Variants in SLCO1B1 observed in about 807,000 individuals in gnomAD.
SLCO1B1 encodes the protein solute carrier organic anion transporter family member 1B1, also known as OATP-2.
In SLCO1B1, 81 loss-of-function variants were observed where a neutral mutation model predicts 70.1. That is an observed-to-expected ratio of 1.16 (90% confidence interval 0.97 to 1.39). The LOEUF (loss-of-function observed/expected upper bound fraction) is 1.39, where lower values mean the gene tolerates loss of function less well. SLCO1B1 is among the 40% of genes most tolerant of loss of function. The pLI is 0.00. For missense variants in SLCO1B1, 895 were observed against 799.6 expected, an observed-to-expected ratio of 1.12 and a Z score of -1.44; for synonymous variants, 283 against 271.5, an observed-to-expected ratio of 1.04 and a Z score of -0.42.
intron 1 of SLCO1B1, among the ~76,000 whole-genome samples, chr12:21,138,897 G>T (rs554075519): frequency 5.9e-5 from 9 of 152,096 alleles, no homozygotes; most frequent in African/African-American, 2.2e-4. Context: ...AAAAACAGGG[G>T]CTTGGTTTAG....
chr12:21,176,300 C>A (rs1412948122), intron 4 of SLCO1B1, among the ~76,000 whole-genome samples: 1 of 152,036 alleles, frequency 6.6e-6, no homozygotes, highest in Non-Finnish European at 1.5e-5. Flanking sequence ...TTATTCCTAT[C>A]AAGTTTTCTC....
intron 2 of SLCO1B1, among the ~76,000 whole-genome samples, chr12:21,170,483 TAA>T (rs991242704): frequency 2.0e-5 from 3 of 152,200 alleles, no homozygotes; most frequent in African/African-American, 7.2e-5. Flanking sequence ...TCCTTTTTAA[TAA>T]AATGATTTTT....
intron 14 of SLCO1B1, among the ~76,000 whole-genome samples, chr12:21,233,559 AAAAC>A (rs1377257802): frequency 1.6e-4 from 23 of 139,978 alleles, no homozygotes; most frequent in South Asian, 4.7e-4. Flanking sequence ...CCTCAAAAAA[AAAAC>A]AAACAAACAA....
In SLCO1B1 at chr12:21,197,109, T is replaced by G; in HGVS notation, c.891T>G (p.His297Gln). Residue 297 changes from histidine to glutamine, a missense_variant, in exon 8 of 15, where the codon CAT becomes CAG. His to Gln is a conservative substitution (Grantham distance 24). Coordinates refer to ENST00000256958, the MANE Select transcript of SLCO1B1 (RefSeq NM_006446.5). ...QKERKASLSL[H>Q]VLETNDEKDQ... is the part of the protein sequence containing the mutation. The stretch of plus-strand genomic sequence containing the variant: ...AAAGAAAAGCTTCACTGTCTTTGCA[T>G]GTGCTGGAAACAAATGATGAAAAGG... 6.2e-7 allele frequency: 1 copy of G among 1,613,712 alleles called. No individual in the cohort carries two copies.
chr12:21,201,475 A>T (rs745383424), intron 9 of SLCO1B1, among the ~76,000 whole-genome samples: 11 of 152,164 alleles, frequency 7.2e-5, no homozygotes, highest in Non-Finnish European at 1.3e-4. Context: ...TTAGACAAAG[A>T]TATGGAAAAG....
Position 21,206,003 on chromosome 12 carries a change from C to G in SLCO1B1, c.1467C>G (p.Cys489Trp). The G allele has an allele frequency of 1.9e-6, 3 of 1,612,022 alleles. No homozygotes were observed. The highest frequency in any genetic ancestry group is 2.5e-6 in the Non-Finnish European group (3 of 1,178,532). The change falls in exon 11 of 15, where the codon TGC (cysteine) becomes TGG (tryptophan). Residue 489 changes from cysteine (C) to tryptophan (W), a missense_variant. Transcript: ENST00000256958. Reference sequence around the variant, plus strand: ...ACATCTCACCCTGTCTAGCAGGTTGCAAATCTTCAAGTGGCAATAAAAAGC... The same window carrying G: ...ACATCTCACCCTGTCTAGCAGGTTGGAAATCTTCAAGTGGCAATAAAAAGC... ...ITYISPCLAG[C>W]KSSSGNKKPI...
chr12:21,219,522 A>G (rs1351322575), intron 12 of SLCO1B1, among the ~76,000 whole-genome samples: 1 of 152,328 alleles, frequency 6.6e-6, no homozygotes, highest in East Asian at 1.9e-4. Context: ...TGAAAGCCCA[A>G]GGGGATTTAA....
chr12:21,235,251 G>C (rs1941585096), intron 14 of SLCO1B1, among the ~76,000 whole-genome samples: 1 of 151,340 alleles, frequency 6.6e-6, no homozygotes, highest in African/African-American at 2.4e-5. Flanking sequence ...TATATATTTA[G>C]ATTAGTTAAA....
In SLCO1B1 at chr12:21,222,372, GAAAAAA is replaced by G. The variant is rs4149102; in HGVS notation, c.1747+29_1747+34del. 28 of 24,940 alleles carry G rather than the reference GAAAAAA, an allele frequency of 1.1e-3. No homozygotes were observed. The highest frequency in any genetic ancestry group is 0.01 in the East Asian group (11 of 1,070). The allele number at this position is 24,940 out of a possible 1,614,324, so 1.5% of individuals were successfully genotyped here. A position where few individuals can be genotyped will look rare whatever the true frequency, so the allele number is the denominator to read the frequency against. ...TGGTTATACGAGCACTAGGTATGATGAAAAAAAAAAAAAAAAAAAAAAAAAATATAT... is the reference window on the plus strand; with the variant it reads ...TGGTTATACGAGCACTAGGTATGATGAAAAAAAAAAAAAAAAAAAATATAT... On this transcript the variant is annotated intron_variant, in intron 13 of 14. Transcript: ENST00000256958.
At chr12:21,158,988 TTCTG>T (rs926139517) in intron 2 of SLCO1B1, among the ~76,000 whole-genome samples, 48 of 152,280 alleles carry the variant, frequency 3.2e-4, no homozygotes, top group South Asian at 1.9e-3. Context: ...TAATCCATAA[TTCTG>T]TCTAATACTT....
At chr12:21,179,073 C>T (rs1029422043) in intron 7 of SLCO1B1, 53 bp downstream of exon 7, 66 of 1,113,106 alleles carry the variant, frequency 5.9e-5, no homozygotes, top group South Asian at 4.0e-4. Flanking sequence ...AGCACACATG[C>T]GAAAAACATT....
Position 21,197,120 on chromosome 12 carries a change from C to G in SLCO1B1, c.902C>G (p.Thr301Arg). 6.2e-7 allele frequency: 1 copy of G among 1,613,452 alleles called. No homozygotes were observed. Among genetic ancestry groups the G allele is most frequent in the Non-Finnish European group, 8.5e-7 (1 of 1,179,634 alleles). Residue 301 changes from threonine to arginine, a missense_variant, in exon 8 of 15, where the codon ACA (threonine) becomes AGA (arginine). Physicochemically the swap from Thr to Arg is moderately conservative, Grantham distance 71 (BLOSUM62 -1). Coordinates refer to ENST00000256958, the MANE Select transcript of SLCO1B1 (RefSeq NM_006446.5). ...TCACTGTCTTTGCATGTGCTGGAAA[C>G]AAATGATGAAAAGGATCAAACAGCT... ...KASLSLHVLE[T>R]NDEKDQTANL...
Position 21,136,482 on chromosome 12 carries a change from TTTGGTC to T in SLCO1B1, c.-61-5029_-61-5024del, listed in dbSNP as rs58261468. On this transcript the variant is annotated intron_variant, in intron 1 of 14. Transcript: ENST00000256958. ...TTCAGGTACACCAATCAGACGTAGA[TTTGGTC>T]TTTTCACATAGTCCCATATTTCTTG... 2.2e-3 allele frequency among the ~76,000 whole-genome samples: 330 copies of T among 152,316 alleles called. 3 individuals are homozygous for T. Among genetic ancestry groups the T allele is most frequent in the African/African-American group, 7.8e-3 (325 of 41,570 alleles).
At chr12:21,183,024 G>T (rs1940923680) in intron 7 of SLCO1B1, among the ~76,000 whole-genome samples, 1 of 152,184 alleles carries the variant, frequency 6.6e-6, no homozygotes, top group African/African-American at 2.4e-5. Context: ...GATTGGGGGG[G>T]TGTCCCCTAT....
At chr12:21,186,726 G>A (rs530512577) in intron 7 of SLCO1B1, among the ~76,000 whole-genome samples, 1 of 152,120 alleles carries the variant, frequency 6.6e-6, no homozygotes, top group East Asian at 1.9e-4. Flanking sequence ...ATGCCAGCAG[G>A]CACAAAATCT....
At chr12:21,143,021 C>T (rs1007448357) in intron 2 of SLCO1B1, among the ~76,000 whole-genome samples, 1 of 152,062 alleles carries the variant, frequency 6.6e-6, no homozygotes, top group Non-Finnish European at 1.5e-5. Flanking sequence ...ATTGGTTAAT[C>T]ATGTCTACAA....
intron 1 of SLCO1B1, among the ~76,000 whole-genome samples, chr12:21,137,824 C>T (rs573397379): frequency 7.2e-5 from 11 of 152,218 alleles, no homozygotes; most frequent in South Asian, 2.1e-4. Context: ...GGCTTGCGCA[C>T]GGTGCGCTTC....
rs1220572787 is a variant in SLCO1B1, at chr12:21,197,012, C to G, written c.794C>G (p.Ser265Cys). 1 of 1,613,628 alleles carries G rather than the reference C, an allele frequency of 6.2e-7. No individual in the cohort carries two copies. Among genetic ancestry groups the G allele is most frequent in the Non-Finnish European group, 8.5e-7 (1 of 1,179,646 alleles). The change falls in exon 8 of 15, where the codon TCT (serine) becomes TGT (cysteine). Residue 265 changes from serine (S) to cysteine (C), a missense_variant. Physicochemically the swap from Ser to Cys is moderately radical, Grantham distance 112. Coordinates refer to ENST00000256958, the MANE Select transcript of SLCO1B1 (RefSeq NM_006446.5). ...VGAWWLNFLV[S>C]GLFSIISSIP... ...GCTTGGTGGCTTAATTTCCTTGTGT[C>G]TGGACTATTCTCCATTATTTCTTCC...
At chr12:21,217,344 T>A in intron 12 of SLCO1B1, 41 bp downstream of exon 12, 1 of 1,434,618 alleles carries the variant, frequency 7.0e-7, no homozygotes, top group Non-Finnish European at 9.8e-7. Flanking sequence ...TGCATGAGAC[T>A]ATAAACACAC....
Sources: allele counts gnomAD v4.1 joint callset (sites outside exome capture counted in the v4.1 genomes callset), GRCh38; gene constraint gnomAD v4.1.1; transcripts MANE v1.5; gene names NCBI Gene and HGNC (gene_info 2026-07-23, HGNC 2026-07-21).